Variants in FSIP1 observed in about 807,000 individuals in gnomAD.
FSIP1 encodes the protein fibrous sheath interacting protein 1.
FSIP1 carries 65 observed loss-of-function variants against 60.9 expected under a neutral mutation model. The ratio of observed to expected loss-of-function variants is 1.07; its 90% CI spans 0.87 to 1.31. The LOEUF (loss-of-function observed/expected upper bound fraction) is 1.31, where lower values mean the gene tolerates loss of function less well. FSIP1 is among the 40% of genes most tolerant of loss of function. FSIP1 has a pLI of 0.00. For missense variants in FSIP1, 675 were observed against 665.5 expected (o/e 1.01, Z -0.16); for synonymous variants, 209 against 221.2 (o/e 0.94, Z 0.49).
intron 10 of FSIP1, among the ~76,000 whole-genome samples, chr15:39,649,339 A>T (rs1270445484): frequency 6.6e-6 from 1 of 152,218 alleles, no homozygotes; most frequent in Non-Finnish European, 1.5e-5. Flanking sequence ...ATAAGGGTCA[A>T]ATATATTTTA....
At chr15:39,733,524 G>A (rs923787128) in intron 8 of FSIP1, among the ~76,000 whole-genome samples, 3 of 152,196 alleles carry the variant, frequency 2.0e-5, no homozygotes, top group Non-Finnish European at 4.4e-5. Context: ...ACCTGTGGCA[G>A]ACACTGTCTA....
intron 10 of FSIP1, among the ~76,000 whole-genome samples, chr15:39,680,618 T>C (rs1282674603): frequency 6.6e-6 from 1 of 152,186 alleles, no homozygotes; most frequent in Non-Finnish European, 1.5e-5. Context: ...AGCATCAAGG[T>C]ACAAGGAGCC....
intron 5 of FSIP1, among the ~76,000 whole-genome samples, chr15:39,761,092 G>A (rs80057090): frequency 0.089 from 13,606 of 152,162 alleles, 713 homozygotes; most frequent in African/African-American, 0.12. Context: ...TGAGGATGTG[G>A]ATTAAAGGAA....
Position 39,765,591 on chromosome 15 carries a change from C to A in FSIP1, c.465+1G>T, listed in dbSNP as rs1897656970. 1.9e-6 allele frequency: 3 copies of A among 1,572,946 alleles called. No homozygotes were observed. Among genetic ancestry groups the A allele is most frequent in the Non-Finnish European group, 2.6e-6 (3 of 1,165,030 alleles). On this transcript the variant is annotated splice_donor_variant, in intron 4 of 11. Transcript: ENST00000350221. LOFTEE classifies it high-confidence loss of function. ...TCAGCATAAGGTTAGATAATTCTTA[C>A]CTTAATTTCTTCCCACAGCTTTATT...
Position 39,701,898 on chromosome 15 carries a change from C to G in FSIP1, c.1188+11546G>C, listed in dbSNP as rs146693776. Among the ~76,000 whole-genome samples the G allele has an allele frequency of 3.5e-3, 537 of 152,224 alleles. 3 individuals are homozygous for G. Among genetic ancestry groups the G allele is most frequent in the African/African-American group, 0.012 (513 of 41,526 alleles). On this transcript the variant is annotated intron_variant, in intron 10 of 11. Coordinates refer to ENST00000350221, the MANE Select transcript of FSIP1 (RefSeq NM_152597.5). ...ATTTGTGGGAATTTATTAAGGTCTA[C>G]GTTTAAATTATTGTGTTCTTCCAGA...
rs1460248246 is a variant in FSIP1, at chr15:39,738,136, A to T, written c.846T>A (p.Leu282=). 1 of 1,613,398 alleles carries T rather than the reference A, an allele frequency of 6.2e-7. No homozygotes were observed. Among genetic ancestry groups the T allele is most frequent in the Non-Finnish European group, 8.5e-7 (1 of 1,179,714 alleles). ...AATCTTTCTCATCCAAGTCCTTCAAAAGCTCAACCAGCCTTTTCTTCTCTC... is the reference window on the plus strand; with the variant it reads ...AATCTTTCTCATCCAAGTCCTTCAATAGCTCAACCAGCCTTTTCTTCTCTC... ...VDREKKRLVE[L]LKDLDEKDSG... is the part of the protein sequence containing the mutation. Residue 282 remains leucine, a synonymous_variant, in exon 8 of 12, where the codon CTT becomes CTA. Transcript: ENST00000350221.
At chr15:39,627,934 G>A (rs1246634636) in intron 10 of FSIP1, among the ~76,000 whole-genome samples, 1 of 152,238 alleles carries the variant, frequency 6.6e-6, no homozygotes, top group Non-Finnish European at 1.5e-5. Flanking sequence ...AGGGCAACTC[G>A]AACCAAACCA....
intron 10 of FSIP1, among the ~76,000 whole-genome samples, chr15:39,632,158 T>C (rs774145082): frequency 3.3e-5 from 5 of 152,132 alleles, no homozygotes; most frequent in Non-Finnish European, 7.4e-5. Flanking sequence ...ATCTTCAAAT[T>C]TTTATACCTT....
chr15:39,749,008 A>T (rs959234443), intron 5 of FSIP1, among the ~76,000 whole-genome samples: 3 of 152,010 alleles, frequency 2.0e-5, no homozygotes, highest in Admixed American at 1.3e-4. Flanking sequence ...AAGTATCAAA[A>T]GGGACTATTA....
In FSIP1 at chr15:39,729,438, G is replaced by T. The variant is rs531672441; in HGVS notation, c.892-2691C>A. 4.6e-5 allele frequency among the ~76,000 whole-genome samples: 7 copies of T among 152,252 alleles called. No individual in the cohort carries two copies. In the South Asian group the frequency reaches 1.5e-3, roughly 32 times the overall value. On this transcript the variant is annotated intron_variant, in intron 8 of 11. Transcript: ENST00000350221. ...AAATTTTAAAAATTAGCCAAATGTGGTGATATGCACCTGTAGTCCCAGATA... is the reference window on the plus strand; with the variant it reads ...AAATTTTAAAAATTAGCCAAATGTGTTGATATGCACCTGTAGTCCCAGATA...
At chr15:39,611,336 G>T (rs1891023499) in intron 11 of FSIP1, among the ~76,000 whole-genome samples, 1 of 152,014 alleles carries the variant, frequency 6.6e-6, no homozygotes, top group South Asian at 2.1e-4. Context: ...ATTTTTTAAG[G>T]AGATGGAGTC....
chr15:39,699,356 C>A (rs1443572050), intron 10 of FSIP1, among the ~76,000 whole-genome samples: 1 of 152,040 alleles, frequency 6.6e-6, no homozygotes, highest in Admixed American at 6.5e-5. Context: ...AAAGAAAAAT[C>A]CAACAAAATT....
At chr15:39,636,184 T>C (rs1020772483) in intron 10 of FSIP1, among the ~76,000 whole-genome samples, 1 of 152,174 alleles carries the variant, frequency 6.6e-6, no homozygotes, top group African/African-American at 2.4e-5. Context: ...AAAACATAAA[T>C]AGATCAATGC....
At chr15:39,760,487 T>C (rs999852184) in intron 5 of FSIP1, among the ~76,000 whole-genome samples, 2 of 152,322 alleles carry the variant, frequency 1.3e-5, no homozygotes, top group Admixed American at 6.5e-5. Context: ...CCAAGTGTGA[T>C]TGACTGAGAA....
chr15:39,694,715 G>A (rs1204853493), intron 10 of FSIP1, among the ~76,000 whole-genome samples: 4 of 151,878 alleles, frequency 2.6e-5, no homozygotes, highest in Non-Finnish European at 4.4e-5. Context: ...CAGGAAAATC[G>A]CTTAAACCTG....
chr15:39,714,051 C>A (rs1278283381), intron 9 of FSIP1, among the ~76,000 whole-genome samples: 1 of 152,182 alleles, frequency 6.6e-6, no homozygotes, highest in Non-Finnish European at 1.5e-5. Flanking sequence ...TGGTTCCTGA[C>A]TAGACTGACC....
At chr15:39,701,470 G>C (rs550308571) in intron 10 of FSIP1, among the ~76,000 whole-genome samples, 1 of 152,112 alleles carries the variant, frequency 6.6e-6, no homozygotes, top group Admixed American at 6.5e-5. Flanking sequence ...TCTCTGACTG[G>C]TTTGAAAAAC....
At chr15:39,695,637 C>A (rs188257904) in intron 10 of FSIP1, among the ~76,000 whole-genome samples, 82 of 152,260 alleles carry the variant, frequency 5.4e-4, no homozygotes, top group Non-Finnish European at 9.0e-4. Context: ...TGCTTTTTGA[C>A]AGATAGTTAA....
intron 10 of FSIP1, among the ~76,000 whole-genome samples, chr15:39,639,170 C>T (rs1255639221): frequency 6.6e-6 from 1 of 152,162 alleles, no homozygotes; most frequent in Non-Finnish European, 1.5e-5. Flanking sequence ...GACCAAAGTT[C>T]ACCATTTTGC....
Sources: allele counts gnomAD v4.1 joint callset (sites outside exome capture counted in the v4.1 genomes callset), GRCh38; gene constraint gnomAD v4.1.1; transcripts MANE v1.5; gene names NCBI Gene and HGNC (gene_info 2026-07-23, HGNC 2026-07-21).